The following DISC1 variants were observed in gnomAD, a reference collection of about 807,000 sequenced individuals.
DISC1 encodes DISC1 scaffold protein.
Under a neutral mutation model 84.5 loss-of-function variants are expected in DISC1, and 57 were observed. That is an observed-to-expected ratio of 0.67 (90% CI 0.55 to 0.84). The LOEUF (loss-of-function observed/expected upper bound fraction) is 0.84, where lower values mean the gene tolerates loss of function less well. Among genes scored for constraint, DISC1 ranks in the 40% least tolerant of loss-of-function variants. The probability of loss-of-function intolerance (pLI) is 0.00; values close to 1 mark genes in which losing one functional copy is unlikely to be tolerated. For missense variants in DISC1, 1,000 were observed against 1,057.8 expected, an observed-to-expected ratio of 0.95 and a Z score of 0.76; for synonymous variants, 411 against 415.2, an observed-to-expected ratio of 0.99 and a Z score of 0.12.
chr1:231,641,706 C>G (rs1014163101), intron 1 of DISC1, among the ~76,000 whole-genome samples: 1 of 152,210 alleles, frequency 6.6e-6, no homozygotes, highest in African/African-American at 2.4e-5. Flanking sequence ...CGTTTACAAT[C>G]CCTGAGCTAG....
intron 9 of DISC1, among the ~76,000 whole-genome samples, chr1:231,837,722 G>A (rs796701662): frequency 6.6e-5 from 10 of 152,266 alleles, no homozygotes; most frequent in African/African-American, 2.4e-4. Flanking sequence ...GAGGTGAGGA[G>A]GTGGCACAAG....
chr1:231,775,949 G>C (rs953921177), intron 6 of DISC1, among the ~76,000 whole-genome samples: 3 of 152,088 alleles, frequency 2.0e-5, no homozygotes, highest in African/African-American at 7.2e-5. Flanking sequence ...AGAGGGAAAA[G>C]ATGGGGGACA....
At chr1:231,814,838 G>A (rs930389068) in intron 8 of DISC1, 1 of 151,934 alleles carries the variant, frequency 6.6e-6, no homozygotes, top group East Asian at 1.9e-4. Context: ...GGTCAGCCAG[G>A]CCAGGGAAAA....
In DISC1 at chr1:232,034,010, A is replaced by AT. The variant is rs568980061; in HGVS notation, c.2426-2673dup. Among the ~76,000 whole-genome samples, 532 of 150,896 alleles carry AT rather than the reference A, an allele frequency of 3.5e-3. 2 individuals carry two copies. Among genetic ancestry groups the AT allele is most frequent in the African/African-American group, 0.012 (484 of 41,118 alleles). ...TATGCTTTCCCCCACCCCATTCTGC[A>AT]TTTTTTTTTCTGGGGACTTTTCCAT... On this transcript the variant is annotated intron_variant, in intron 12 of 12. Coordinates refer to ENST00000439617, the MANE Select transcript of DISC1 (RefSeq NM_018662.3).
intron 1 of DISC1, among the ~76,000 whole-genome samples, chr1:231,689,606 A>C (rs968461343): frequency 2.0e-5 from 3 of 152,214 alleles, no homozygotes; most frequent in African/African-American, 7.2e-5. Context: ...TGCTGGGATT[A>C]CAGGCATGAG....
chr1:231,760,513 C>T (rs1391399856), intron 4 of DISC1, among the ~76,000 whole-genome samples: 1 of 152,196 alleles, frequency 6.6e-6, no homozygotes. Flanking sequence ...GTGGCACTCC[C>T]TCAGGACCGC....
chr1:231,874,283 G>A (rs61836971), intron 9 of DISC1, among the ~76,000 whole-genome samples: 58,200 of 151,236 alleles, frequency 0.38, 11,370 homozygotes, highest in East Asian at 0.51. Flanking sequence ...TCAGTCCCCC[G>A]AGTAGCTGGG....
At chr1:231,681,433 C>T (rs935558746) in intron 1 of DISC1, among the ~76,000 whole-genome samples, 12 of 151,842 alleles carry the variant, frequency 7.9e-5, no homozygotes, top group Non-Finnish European at 1.6e-4. Context: ...GTGTAAATCA[C>T]GTTGGCCTCC....
intron 1 of DISC1, among the ~76,000 whole-genome samples, chr1:231,685,940 A>G (rs1184814266): frequency 6.6e-6 from 1 of 152,226 alleles, no homozygotes; most frequent in East Asian, 1.9e-4. Context: ...AAGGGGTTAC[A>G]GGGCCCATGC....
intron 3 of DISC1, among the ~76,000 whole-genome samples, chr1:231,704,954 C>A (rs932750760): frequency 2.6e-5 from 4 of 151,942 alleles, no homozygotes; most frequent in Non-Finnish European, 4.4e-5. Context: ...TCCTCAAGAT[C>A]TGCATCTCAA....
At position 232,040,926 on chromosome 1, in the gene DISC1, C is replaced by CAGA. The variant is rs934207215; in HGVS notation, c.*4098_*4100dup. On this transcript the variant is annotated 3_prime_UTR_variant, in exon 13 of 13. Coordinates refer to ENST00000439617, the MANE Select transcript of DISC1 (RefSeq NM_018662.3). ...AGATCCTCATCCAATTGGTGTTTTT[C>CAGA]AGAAGTGTTCCAATATTATGAATTC... The CAGA allele has an allele frequency of 6.6e-6, 1 of 152,210 alleles. No homozygotes were observed. Among genetic ancestry groups the CAGA allele is most frequent in the African/African-American group, 2.4e-5 (1 of 41,458 alleles). The allele number at this position is 152,210 out of a possible 1,614,324, so 9.4% of individuals were successfully genotyped here.
Position 232,041,123 on chromosome 1 carries a change from A to T in DISC1, c.*4292A>T, listed in dbSNP as rs1437576311. On this transcript the variant is annotated 3_prime_UTR_variant, in exon 13 of 13. Coordinates refer to ENST00000439617, the MANE Select transcript of DISC1 (RefSeq NM_018662.3). ...TATACAAAATAAAAGCTGATATCCA[A>T]GGCATGGTGCATCTTGATGATTTTT... 6.6e-6 allele frequency: 1 copy of T among 152,204 alleles called. No homozygotes were observed. Among genetic ancestry groups the T allele is most frequent in the African/African-American group, 2.4e-5 (1 of 41,450 alleles). 9.4% of individuals were successfully genotyped at this position (152,204 alleles called of 1,614,324 possible).
chr1:231,927,906 G>C (rs937487255), intron 9 of DISC1, among the ~76,000 whole-genome samples: 1 of 152,210 alleles, frequency 6.6e-6, no homozygotes, highest in Non-Finnish European at 1.5e-5. Context: ...TATAGTTCCA[G>C]AGGGCTGCCC....
At chr1:231,750,699 G>T in intron 4 of DISC1, 1 of 575,344 alleles carries the variant, frequency 1.7e-6, no homozygotes, top group Non-Finnish European at 2.2e-6. Context: ...GGCAAGGGTG[G>T]CTCCCAGATA....
intron 8 of DISC1, chr1:231,815,269 AC>A (rs1349022987): frequency 6.6e-6 from 1 of 152,158 alleles, no homozygotes; most frequent in Non-Finnish European, 1.5e-5. Flanking sequence ...CACCTGTGTT[AC>A]GAACAGCCCT....
intron 9 of DISC1, among the ~76,000 whole-genome samples, chr1:231,921,025 G>A (rs1025679585): frequency 6.6e-5 from 10 of 150,746 alleles, no homozygotes; most frequent in Non-Finnish European, 1.2e-4. Flanking sequence ...CCCTGCCTCA[G>A]CCTCCCAAGT....
intron 3 of DISC1, among the ~76,000 whole-genome samples, chr1:231,721,456 G>A (rs2069686403): frequency 6.6e-6 from 1 of 152,126 alleles, no homozygotes; most frequent in Non-Finnish European, 1.5e-5. Flanking sequence ...AATATTTGAT[G>A]CATATTTATG....
At chr1:231,751,308 G>A (rs992973275) in intron 4 of DISC1, among the ~76,000 whole-genome samples, 2 of 152,030 alleles carry the variant, frequency 1.3e-5, no homozygotes, top group Non-Finnish European at 2.9e-5. Context: ...TAAAAATAGG[G>A]CACAAAGATT....
intron 3 of DISC1, among the ~76,000 whole-genome samples, chr1:231,729,521 A>G (rs996192226): frequency 5.3e-5 from 8 of 152,132 alleles, no homozygotes; most frequent in Admixed American, 2.0e-4. Flanking sequence ...ATTTCTCTCT[A>G]TTAACATTGC....
Sources: gnomAD v4.1 joint callset for allele counts (sites outside exome capture counted in the v4.1 genomes callset) on GRCh38, gnomAD v4.1.1 for gene constraint, MANE v1.5 for transcripts, NCBI Gene and HGNC (gene_info 2026-07-23, HGNC 2026-07-21) for gene names.